MMRN1: variants seen among roughly 807,000 people sequenced by gnomAD.
MMRN1 encodes the protein multimerin 1.
Under a neutral mutation model 100.7 loss-of-function variants are expected in MMRN1, and 94 were observed. The observed-to-expected ratio is 0.93, with a 90% confidence interval of 0.79 to 1.11. The LOEUF (loss-of-function observed/expected upper bound fraction) is 1.11. Among genes scored for constraint, MMRN1 ranks in the 50% least tolerant of loss-of-function variants. MMRN1 has a pLI of 0.00. For missense variants in MMRN1, 1,606 were observed against 1,439.1 expected, an observed-to-expected ratio of 1.12 and a Z score of -1.88; for synonymous variants, 575 against 505.0, an observed-to-expected ratio of 1.14 and a Z score of -1.86.
intron 3 of MMRN1, among the ~76,000 whole-genome samples, chr4:89,913,292 T>G (rs530533389): frequency 2.8e-4 from 42 of 151,410 alleles, no homozygotes; most frequent in African/African-American, 9.7e-4. Context: ...GATTATTAAT[T>G]CCATCATTAT....
chr4:89,932,162 C>T (rs994387810), intron 5 of MMRN1, among the ~76,000 whole-genome samples: 5 of 152,152 alleles, frequency 3.3e-5, no homozygotes, highest in African/African-American at 7.2e-5. Context: ...ACGGGCCTCA[C>T]GCAAGTCCGA....
At chr4:89,916,059 A>G (rs993685702) in intron 3 of MMRN1, among the ~76,000 whole-genome samples, 4 of 151,694 alleles carry the variant, frequency 2.6e-5, no homozygotes, top group Non-Finnish European at 5.9e-5. Flanking sequence ...TTATCACAAG[A>G]GAGTAACTGA....
At chr4:89,911,896 T>C (rs1486538003) in intron 2 of MMRN1, 48 bp from the exon 3 acceptor site, 1 of 1,271,336 alleles carries the variant, frequency 7.9e-7, no homozygotes. Context: ...GCTGATAATT[T>C]AATGTGAAAC....
chr4:89,944,889 G>A (rs1722939968), intron 6 of MMRN1, among the ~76,000 whole-genome samples: 2 of 152,112 alleles, frequency 1.3e-5, no homozygotes, highest in South Asian at 4.1e-4. Context: ...TTAGTTAAAT[G>A]TACTAATGTT....
In MMRN1 at chr4:89,936,340, C is replaced by T. The variant is rs148623525; in HGVS notation, c.2660C>T (p.Thr887Ile). 3.7e-6 allele frequency: 6 copies of T among 1,612,646 alleles called. No homozygotes were observed. The African/African-American group carries it at 8.0e-5, about 22-fold the overall frequency. ...TCAGTTAAAAAAGGCAGTGTAGTTA[C>T]AAATGAGAGAGATCAGGCTCTTCAA... ...YISVKKGSVV[T>I]NERDQALQLQ... Residue 887 changes from threonine (T) to isoleucine (I), a missense_variant, in exon 6 of 8, where the codon ACA becomes ATA. Transcript: ENST00000264790.
intron 6 of MMRN1, among the ~76,000 whole-genome samples, chr4:89,949,918 AT>A (rs371764596): frequency 2.6e-3 from 392 of 152,348 alleles, no homozygotes; most frequent in Middle Eastern, 0.01. Flanking sequence ...CAAATTAAAA[AT>A]CATCAACAAT....
chr4:89,886,405 A>C (rs1720938142), intron 1 of MMRN1, among the ~76,000 whole-genome samples: 1 of 152,078 alleles, frequency 6.6e-6, no homozygotes, highest in South Asian at 2.1e-4. Flanking sequence ...TGTTTATAGA[A>C]TATTCTCTTT....
chr4:89,953,405 T>C lies in MMRN1; in HGVS notation c.3674T>C (p.Leu1225Ser). The C allele has an allele frequency of 6.2e-7, 1 of 1,604,624 alleles. No individual in the cohort carries two copies. The highest frequency in any genetic ancestry group is 8.5e-7 in the Non-Finnish European group (1 of 1,176,150). The change falls in exon 8 of 8, where the codon TTA (leucine) becomes TCA (serine). Residue 1225 changes from leucine (L) to serine (S), a missense_variant. By Grantham distance (145) the Leu-to-Ser change is moderately radical (BLOSUM62 -2). Transcript: ENST00000264790. ...PPVTTFSGYL[L>S]YRT ...GTTACTACATTTAGTGGCTATTTAT[T>C]ATATCGTACATAAGTTAGTATGAAA...
chr4:89,939,703 G>C (rs1040832345), intron 6 of MMRN1, among the ~76,000 whole-genome samples: 4 of 152,090 alleles, frequency 2.6e-5, no homozygotes, highest in Non-Finnish European at 5.9e-5. Flanking sequence ...GTGTTCACAT[G>C]CCTTTCTCTT....
At chr4:89,894,258 A>C (rs1337796166), upstream of MMRN1, among the ~76,000 whole-genome samples, 1 of 152,118 alleles carries the variant, frequency 6.6e-6, no homozygotes, top group East Asian at 1.9e-4. Flanking sequence ...TGTCTAATTC[A>C]ATTACTTATG....
intron 1 of MMRN1, among the ~76,000 whole-genome samples, chr4:89,903,570 CA>C (rs563418111): frequency 6.6e-5 from 10 of 151,066 alleles, no homozygotes; most frequent in African/African-American, 2.2e-4. Context: ...ATATCCTCTT[CA>C]AAAAAAATCC....
intron 5 of MMRN1, among the ~76,000 whole-genome samples, chr4:89,931,809 C>T (rs1157765919): frequency 1.3e-5 from 2 of 152,038 alleles, no homozygotes; most frequent in Non-Finnish European, 2.9e-5. Context: ...CCACTGGGTC[C>T]CTCCCACAAT....
Position 89,923,284 on chromosome 4 carries a change from T to C in MMRN1, c.955+12T>C, listed in dbSNP as rs1244275118. On this transcript the variant is annotated intron_variant, in intron 4 of 7. Transcript: ENST00000264790. ...CTGTGGTGACCCAGGTCATAGATTG[T>C]AATTACTATCATCTCTGACCCAATT... 1 of 1,607,368 alleles carries C rather than the reference T, an allele frequency of 6.2e-7. No individual in the cohort carries two copies. Among genetic ancestry groups the C allele is most frequent in the Admixed American group, 1.7e-5 (1 of 59,838 alleles).
upstream of MMRN1, among the ~76,000 whole-genome samples, chr4:89,892,280 A>C (rs1721071559): frequency 6.6e-6 from 1 of 151,756 alleles, no homozygotes; most frequent in South Asian, 2.1e-4. Flanking sequence ...TTTAATATGA[A>C]CAACCAAGTG....
At chr4:89,889,516 G>A (rs927451238) in intron 1 of MMRN1, among the ~76,000 whole-genome samples, 2 of 151,994 alleles carry the variant, frequency 1.3e-5, no homozygotes, top group African/African-American at 2.4e-5. Flanking sequence ...AGAATTATTC[G>A]AACAAGCCAG....
At chr4:89,912,502 T>C (rs1560585528) in intron 3 of MMRN1, among the ~76,000 whole-genome samples, 1 of 151,216 alleles carries the variant, frequency 6.6e-6, no homozygotes, top group Non-Finnish European at 1.5e-5. Flanking sequence ...ACAAGGTATG[T>C]CATGAATAAT....
intron 3 of MMRN1, among the ~76,000 whole-genome samples, chr4:89,916,265 G>A (rs182344813): frequency 6.6e-6 from 1 of 151,498 alleles, no homozygotes; most frequent in Non-Finnish European, 1.5e-5. Context: ...GAATTCCGGA[G>A]CAAAGAGATT....
rs942879673 is a variant in MMRN1, at chr4:89,911,460, G to T, written c.744-484G>T. On this transcript the variant is annotated intron_variant, in intron 2 of 7. Coordinates refer to ENST00000264790, the MANE Select transcript of MMRN1 (RefSeq NM_007351.3). Reference sequence around the variant, plus strand: ...AAACTTTGAAGATGAAAAATTCCATGGGAAAATGATAGTGGTTGTCATAAT... The same window carrying T: ...AAACTTTGAAGATGAAAAATTCCATTGGAAAATGATAGTGGTTGTCATAAT... 2.0e-5 allele frequency among the ~76,000 whole-genome samples: 3 copies of T among 151,232 alleles called. No homozygotes were observed. The East Asian group carries it at 5.8e-4, about 29-fold the overall frequency.
upstream of MMRN1, among the ~76,000 whole-genome samples, chr4:89,893,350 G>A (rs529686530): frequency 8.0e-4 from 120 of 150,396 alleles, no homozygotes; most frequent in Middle Eastern, 0.024. Context: ...GGAAATAAAT[G>A]GCAAAGATTG....
Sources: gnomAD v4.1 joint callset for allele counts (sites outside exome capture counted in the v4.1 genomes callset) on GRCh38, gnomAD v4.1.1 for gene constraint, MANE v1.5 for transcripts, NCBI Gene and HGNC (gene_info 2026-07-23, HGNC 2026-07-21) for gene names.